ADAMTS12: variants seen among roughly 807,000 people sequenced by gnomAD.
ADAMTS12 encodes the protein ADAM metallopeptidase with thrombospondin type 1 motif 12.
Under a neutral mutation model 167.8 loss-of-function variants are expected in ADAMTS12, and 118 were observed. The observed-to-expected ratio is 0.70, with a 90% CI of 0.61 to 0.82. ADAMTS12 has a LOEUF of 0.82. Ranked by LOEUF, ADAMTS12 falls within the 40% of genes least tolerant of loss-of-function variation. The pLI is 0.00. For synonymous variants in ADAMTS12, 704 were observed against 716.9 expected (o/e 0.98, Z 0.29); for missense variants, 1,916 against 1,998.8 (o/e 0.96, Z 0.79).
chr5:33,826,842 A>G (rs917530710), intron 2 of ADAMTS12, among the ~76,000 whole-genome samples: 12 of 152,278 alleles, frequency 7.9e-5, no homozygotes, highest in African/African-American at 2.4e-4. Flanking sequence ...GCAGAACTGC[A>G]GCCATCTATG....
Position 33,540,190 on chromosome 5 carries a change from G to T in ADAMTS12, c.4447-5198C>A, listed in dbSNP as rs114143596. Among the ~76,000 whole-genome samples the T allele has an allele frequency of 2.9e-3, 445 of 152,380 alleles. 5 individuals carry two copies. The highest frequency in any genetic ancestry group is 0.01 in the African/African-American group (425 of 41,590). ...TGGTTCGGCAGGTCCCACACTCACG[G>T]AGCCTTGCTCATTGCTAGCGCAGCA... On this transcript the variant is annotated intron_variant, in intron 22 of 23. Coordinates refer to ENST00000504830, the MANE Select transcript of ADAMTS12 (RefSeq NM_030955.4).
At chr5:33,799,273 T>C (rs559682504) in intron 2 of ADAMTS12, among the ~76,000 whole-genome samples, 1 of 152,342 alleles carries the variant, frequency 6.6e-6, no homozygotes, top group Admixed American at 6.5e-5. Context: ...ACAGAATGTT[T>C]ACTACTTTAG....
chr5:33,648,508 C>G (rs1319162579), intron 9 of ADAMTS12, among the ~76,000 whole-genome samples: 1 of 152,142 alleles, frequency 6.6e-6, no homozygotes, highest in African/African-American at 2.4e-5. Context: ...AGAAAGGGAG[C>G]AATTTTAGGG....
intron 2 of ADAMTS12, among the ~76,000 whole-genome samples, chr5:33,803,443 C>T (rs1442695623): frequency 6.6e-6 from 1 of 152,184 alleles, no homozygotes; most frequent in African/African-American, 2.4e-5. Context: ...GTGGGGTGCA[C>T]TGGCCTGAAC....
At position 33,641,968 on chromosome 5, in the gene ADAMTS12, G is replaced by C; in HGVS notation, c.1573-13C>G. On this transcript the variant is annotated splice_polypyrimidine_tract_variant and intron_variant, in intron 10 of 23. Transcript: ENST00000504830. ...CTGCCATACACCACTGGAAAGGGAA[G>C]AGGCAGGAGATGGCCGTATCAGGAA... 1 of 1,602,526 alleles carries C rather than the reference G, an allele frequency of 6.2e-7. No homozygotes were observed. The highest frequency in any genetic ancestry group is 1.1e-5 in the South Asian group (1 of 90,036).
chr5:33,877,002 G>A (rs899814818), intron 2 of ADAMTS12, among the ~76,000 whole-genome samples: 1 of 152,102 alleles, frequency 6.6e-6, no homozygotes, highest in African/African-American at 2.4e-5. Context: ...TTTAAAACAA[G>A]AAAGGAAATC....
At chr5:33,539,816 A>G (rs1332935089) in intron 22 of ADAMTS12, among the ~76,000 whole-genome samples, 1 of 152,126 alleles carries the variant, frequency 6.6e-6, no homozygotes, top group Non-Finnish European at 1.5e-5. Flanking sequence ...TTAAAAAGCT[A>G]AAGTAGATTG....
intron 3 of ADAMTS12, among the ~76,000 whole-genome samples, chr5:33,732,475 A>G (rs1446302547): frequency 2.0e-5 from 3 of 152,232 alleles, no homozygotes; most frequent in Non-Finnish European, 2.9e-5. Context: ...TAATAATCCT[A>G]TTAAAAATGA....
chr5:33,624,179 T>C, intron 14 of ADAMTS12, 52 bp downstream of exon 14: 2 of 1,609,366 alleles, frequency 1.2e-6, no homozygotes, highest in Admixed American at 3.4e-5. Flanking sequence ...ACCATTTATC[T>C]TGCCCCCCAC....
At chr5:33,533,146 C>A (rs1000633846) in intron 23 of ADAMTS12, among the ~76,000 whole-genome samples, 3 of 152,224 alleles carry the variant, frequency 2.0e-5, no homozygotes, top group African/African-American at 4.8e-5. Flanking sequence ...ATGCATTTAA[C>A]CCTGTTTTGA....
At chr5:33,547,941 G>A (rs969119041) in intron 21 of ADAMTS12, among the ~76,000 whole-genome samples, 4 of 152,148 alleles carry the variant, frequency 2.6e-5, no homozygotes, top group Non-Finnish European at 5.9e-5. Flanking sequence ...GGAGTAGCAG[G>A]CACTTCATGT....
chr5:33,881,319 G>A lies in ADAMTS12; in HGVS notation c.289C>T (p.His97Tyr), dbSNP rs781525353. The A allele has an allele frequency of 9.9e-5, 159 of 1,614,086 alleles. No individual in the cohort carries two copies. Among genetic ancestry groups the A allele is most frequent in the Non-Finnish European group, 1.3e-4 (149 of 1,180,040 alleles). Residue 97 changes from histidine (H) to tyrosine (Y), a missense_variant, in exon 2 of 24, where the codon CAC becomes TAC. His to Tyr is a moderately conservative substitution (Grantham distance 83). Transcript: ENST00000504830. ...TTAAAAAACAGGTCCTTCTCCTCGT[G>A]AGAAATTCTGTAGTACACCCAGTCC... The part of the protein sequence containing the change: ...SEDWVYYRIS[H>Y]EEKDLFFNLT...
chr5:33,766,354 A>G lies in ADAMTS12; in HGVS notation c.490-14806T>C, dbSNP rs186554184. On this transcript the variant is annotated intron_variant, in intron 2 of 23. Coordinates refer to ENST00000504830, the MANE Select transcript of ADAMTS12 (RefSeq NM_030955.4). ...CTAACCATGAGAAAAACATTGGACA[A>G]ATCAAATTTAGGAGCATTCTACAAA... Among the ~76,000 whole-genome samples, 279 of 152,284 alleles carry G rather than the reference A, an allele frequency of 1.8e-3. 1 individual carries two copies. The highest frequency in any genetic ancestry group is 6.2e-3 in the African/African-American group (259 of 41,568).
intron 3 of ADAMTS12, among the ~76,000 whole-genome samples, chr5:33,686,355 C>A (rs571998596): frequency 6.6e-6 from 1 of 152,274 alleles, no homozygotes; most frequent in South Asian, 2.1e-4. Context: ...CAGCCTCAGT[C>A]CCCACCCTCA....
intron 2 of ADAMTS12, 32 bp downstream of exon 2, chr5:33,881,087 C>T (rs769795066): frequency 1.2e-6 from 2 of 1,602,842 alleles, no homozygotes; most frequent in Admixed American, 3.4e-5. Context: ...GGGGCCAGGG[C>T]AGAGGAAGGA....
chr5:33,810,808 C>T (rs139189504), intron 2 of ADAMTS12, among the ~76,000 whole-genome samples: 285 of 152,286 alleles, frequency 1.9e-3, no homozygotes, highest in African/African-American at 6.3e-3. Flanking sequence ...TCAACAATGG[C>T]CCCTGGAGAC....
intron 2 of ADAMTS12, among the ~76,000 whole-genome samples, chr5:33,821,274 A>G (rs1451775292): frequency 6.6e-6 from 1 of 152,192 alleles, no homozygotes. Context: ...TTTCATATTT[A>G]GCAATCTTAT....
At chr5:33,603,669 T>C (rs1243261696) in intron 16 of ADAMTS12, 3 of 152,186 alleles carry the variant, frequency 2.0e-5, no homozygotes, top group Non-Finnish European at 4.4e-5. Flanking sequence ...CTGGCTCTCA[T>C]ACCAGTGAGC....
chr5:33,716,128 G>A (rs1298504788), intron 3 of ADAMTS12, among the ~76,000 whole-genome samples: 1 of 152,124 alleles, frequency 6.6e-6, no homozygotes, highest in Non-Finnish European at 1.5e-5. Context: ...ACTAGGTCAG[G>A]AATGTGGGGC....
Sources: gnomAD v4.1 joint callset for allele counts (sites outside exome capture counted in the v4.1 genomes callset) on GRCh38, gnomAD v4.1.1 for gene constraint, MANE v1.5 for transcripts, NCBI Gene and HGNC (gene_info 2026-07-23, HGNC 2026-07-21) for gene names.